Variants in UBAP2 observed in about 807,000 individuals in gnomAD.
The protein encoded by UBAP2 is ubiquitin-associated protein 2.
A neutral mutation model predicts 139.6 loss-of-function variants in UBAP2; 75 were observed. That is an observed-to-expected ratio of 0.54 (90% CI 0.45 to 0.65). UBAP2 has a LOEUF of 0.65. Among genes scored for constraint, UBAP2 ranks in the 30% least tolerant of loss-of-function variants. The pLI is 0.00. For missense variants in UBAP2, 1,368 were observed against 1,369.6 expected (o/e 1.00, Z 0.02); for synonymous variants, 526 against 526.2 (o/e 1.00, Z 0.01).
At chr9:33,995,334 G>A (rs1822059966) in intron 4 of UBAP2, 1 of 109,638 alleles carries the variant, frequency 9.1e-6, no homozygotes, top group Admixed American at 1.2e-4. Flanking sequence ...TCCAGCCTGG[G>A]TGGCAGAGTG....
intron 16 of UBAP2, chr9:33,938,870 G>A: frequency 2.2e-6 from 1 of 450,652 alleles, no homozygotes; most frequent in Non-Finnish European, 4.4e-6. Flanking sequence ...GTGCCCATCT[G>A]TCAGGATATA....
Position 34,017,169 on chromosome 9 carries a change from T to C in UBAP2, c.-21A>G. ...ATCATATACAGTATATACAAAATAA[T>C]GTATGTACAAAATAGAAAATCTGCA... On this transcript the variant is annotated 5_prime_UTR_variant, in exon 2 of 29. Coordinates refer to ENST00000379238, the MANE Select transcript of UBAP2 (RefSeq NM_001370062.2). The C allele has an allele frequency of 6.6e-7, 1 of 1,523,148 alleles. No individual in the cohort carries two copies. The highest frequency in any genetic ancestry group is 1.4e-5 in the African/African-American group (1 of 71,614). The allele number at this position is 1,523,148 out of a possible 1,614,324, so 94.4% of individuals were successfully genotyped here. A position where few individuals can be genotyped will look rare whatever the true frequency, so the allele number is the denominator to read the frequency against.
intron 1 of UBAP2, among the ~76,000 whole-genome samples, chr9:34,045,930 A>C (rs1242267399): frequency 6.6e-6 from 1 of 152,150 alleles, no homozygotes; most frequent in Non-Finnish European, 1.5e-5. Context: ...TTCAGGTTGT[A>C]TCTCCACTCT....
At chr9:34,010,001 T>C (rs1003038440) in intron 2 of UBAP2, among the ~76,000 whole-genome samples, 19 of 148,748 alleles carry the variant, frequency 1.3e-4, no homozygotes, top group African/African-American at 4.7e-4. Flanking sequence ...GAGACGGAGT[T>C]TCTCCATCTT....
intron 1 of UBAP2, among the ~76,000 whole-genome samples, chr9:34,041,478 A>AC (rs1322775647): frequency 3.0e-4 from 45 of 150,878 alleles, no homozygotes; most frequent in South Asian, 1.7e-3. Flanking sequence ...AAAAAAAAAA[A>AC]AAACAAACAA....
rs538074955 is a variant in UBAP2 at position 33,935,410 on chromosome 9, C to T, written c.1969+429G>A. 16 of 164,108 alleles carry T rather than the reference C, an allele frequency of 9.7e-5. No individual in the cohort carries two copies. The Middle Eastern group carries it at 0.011, about 117-fold the overall frequency. 10.2% of individuals were successfully genotyped at this position (164,108 alleles called of 1,614,324 possible). A position where few individuals can be genotyped will look rare whatever the true frequency, so the allele number is the denominator to read the frequency against. On this transcript the variant is annotated intron_variant, in intron 17 of 28. Transcript: ENST00000379238. ...TCCCAAGTAGCTGGGATTACAGGCA[C>T]GCGCCGCCACCACACCCGGCTAGTT...
rs768745038 is a variant in UBAP2 at position 33,948,386 on chromosome 9, G to A, written c.1258C>T (p.Leu420Phe). 2 of 1,611,248 alleles carry A rather than the reference G, an allele frequency of 1.2e-6. No homozygotes were observed. The highest frequency in any genetic ancestry group is 1.7e-6 in the Non-Finnish European group (2 of 1,178,054). Reference sequence around the variant, plus strand: ...AATGTATACCTACCAAGATGACTGAGGACTGAGGACTGGGATGTTGGGGGC... The same window carrying A: ...AATGTATACCTACCAAGATGACTGAAGACTGAGGACTGGGATGTTGGGGGC... ...LKPPTSQSSVLSHLDFKSQPE... is the reference protein window; with the variant it reads ...LKPPTSQSSVFSHLDFKSQPE... The change falls in exon 13 of 29, where the codon CTC becomes TTC. Residue 420 changes from leucine (L) to phenylalanine (F), a missense_variant. By Grantham distance (22) the Leu-to-Phe change is conservative. Coordinates refer to ENST00000379238, the MANE Select transcript of UBAP2 (RefSeq NM_001370062.2).
At chr9:34,019,957 C>T (rs1002937460) in intron 1 of UBAP2, among the ~76,000 whole-genome samples, 1 of 151,600 alleles carries the variant, frequency 6.6e-6, no homozygotes, top group Non-Finnish European at 1.5e-5. Flanking sequence ...GTCAGGAGTT[C>T]GAGACCAGCC....
In UBAP2 at chr9:33,923,884, T is replaced by C; in HGVS notation, c.2707A>G (p.Asn903Asp). The C allele has an allele frequency of 6.2e-7, 1 of 1,614,146 alleles. No homozygotes were observed. The highest frequency in any genetic ancestry group is 8.5e-7 in the Non-Finnish European group (1 of 1,180,010). Reference sequence around the variant, plus strand: ...CTATAGCCAGGTGGCAGTGCAGGATTCACGAAGGGCTGCTGGGCTGTGTGG... The same window carrying C: ...CTATAGCCAGGTGGCAGTGCAGGATCCACGAAGGGCTGCTGGGCTGTGTGG... ...THHTAQQPFV[N>D]PALPPGYSYT... Residue 903 changes from asparagine to aspartate, a missense_variant, in exon 24 of 29, where the codon AAT becomes GAT. Asn to Asp is a conservative substitution (Grantham distance 23, BLOSUM62 1). Transcript: ENST00000379238.
chr9:33,927,051 C>G lies in UBAP2; in HGVS notation c.2401G>C (p.Val801Leu). 6.2e-7 allele frequency: 1 copy of G among 1,613,182 alleles called. No individual in the cohort carries two copies. The highest frequency in any genetic ancestry group is 8.5e-7 in the Non-Finnish European group (1 of 1,179,576). ...GKAPPNLPQG[V>L]PPLLHNQYLV... ...TACTGGTTGTGCAGCAGGGGAGGCACCCCCTGAGGTAAGTTTGGGGGTGCT... is the reference window on the plus strand; with the variant it reads ...TACTGGTTGTGCAGCAGGGGAGGCAGCCCCTGAGGTAAGTTTGGGGGTGCT... The change falls in exon 21 of 29, where the codon GTG becomes CTG. Residue 801 changes from valine (V) to leucine (L), a missense_variant. By Grantham distance (32) the Val-to-Leu change is conservative (BLOSUM62 1). Coordinates refer to ENST00000379238, the MANE Select transcript of UBAP2 (RefSeq NM_001370062.2).
intron 11 of UBAP2, among the ~76,000 whole-genome samples, chr9:33,955,205 C>A (rs1237479330): frequency 2.0e-5 from 3 of 149,436 alleles, no homozygotes; most frequent in Admixed American, 6.7e-5. Context: ...AACAGGTCTA[C>A]AAAAGTGAAA....
At chr9:33,974,049 A>T (rs1828106047) in intron 6 of UBAP2, among the ~76,000 whole-genome samples, 1 of 151,962 alleles carries the variant, frequency 6.6e-6, no homozygotes, top group Non-Finnish European at 1.5e-5. Flanking sequence ...CTACAAAACT[A>T]TTTTTATGGG....
At chr9:33,938,961 G>A (rs1392394937) in intron 16 of UBAP2, 2 of 442,670 alleles carry the variant, frequency 4.5e-6, no homozygotes, top group Admixed American at 2.6e-5. Context: ...AAGGGGAAGA[G>A]AAAAAGGAAG....
At position 34,003,059 on chromosome 9, in the gene UBAP2, G is replaced by GTT. The variant is rs11420628; in HGVS notation, c.100-4197_100-4196dup. Among the ~76,000 whole-genome samples the GTT allele has an allele frequency of 6.8e-3, 1,013 of 148,074 alleles. 32 individuals are homozygous for GTT. The East Asian group carries it at 0.11, about 16-fold the overall frequency. The stretch of plus-strand genomic sequence containing the variant: ...CAGAGATCCATTCTTTTCTTTCGTT[G>GTT]TTTTTTTTTTTCTTTTTTTGAGACG... On this transcript the variant is annotated intron_variant, in intron 2 of 28. Transcript: ENST00000379238.
At chr9:33,999,861 T>C (rs866681910) in intron 2 of UBAP2, among the ~76,000 whole-genome samples, 1 of 65,636 alleles carries the variant, frequency 1.5e-5, no homozygotes, top group African/African-American at 4.7e-5. Context: ...TACGTATGTA[T>C]GTATGTATGT....
chr9:33,990,323 G>A (rs1268346421), intron 4 of UBAP2, among the ~76,000 whole-genome samples: 1 of 152,016 alleles, frequency 6.6e-6, no homozygotes, highest in Non-Finnish European at 1.5e-5. Flanking sequence ...CATTAGCACT[G>A]GAAATTAATA....
chr9:33,930,512 C>A (rs1354355030), intron 19 of UBAP2, among the ~76,000 whole-genome samples: 2 of 152,042 alleles, frequency 1.3e-5, no homozygotes, highest in African/African-American at 4.8e-5. Context: ...CATCAAGATA[C>A]ACTTGTGGGG....
chr9:34,027,301 T>C (rs1462307062), intron 1 of UBAP2, among the ~76,000 whole-genome samples: 4 of 151,292 alleles, frequency 2.6e-5, no homozygotes, highest in African/African-American at 9.7e-5. Flanking sequence ...GCCAACATAG[T>C]GAAACCCTAC....
intron 23 of UBAP2, 28 bp from the exon 24 acceptor site, chr9:33,924,028 T>TG: frequency 6.2e-7 from 1 of 1,612,088 alleles, no homozygotes; most frequent in South Asian, 1.1e-5. Flanking sequence ...CTCCAGCCAC[T>TG]GCCCTTCCTC....
Sources: allele counts gnomAD v4.1 joint callset (sites outside exome capture counted in the v4.1 genomes callset), GRCh38; gene constraint gnomAD v4.1.1; transcripts MANE v1.5; gene names NCBI Gene and HGNC (gene_info 2026-07-23, HGNC 2026-07-21).